DIP2C: variants seen among roughly 807,000 people sequenced by gnomAD.
DIP2C encodes the protein disco-interacting protein 2 homolog C.
A neutral mutation model predicts 192.4 loss-of-function variants in DIP2C; 33 were observed. The observed-to-expected ratio is 0.17, with a 90% CI of 0.13 to 0.23. The LOEUF (loss-of-function observed/expected upper bound fraction) is 0.23, where lower values mean the gene tolerates loss of function less well. Ranked by LOEUF, DIP2C falls within the 10% of genes least tolerant of loss-of-function variation. DIP2C has a pLI of 1.00. For missense variants in DIP2C, 1,537 were observed against 2,110.1 expected (o/e 0.73, Z 5.32); for synonymous variants, 979 against 864.1 (o/e 1.13, Z -2.33).
intron 1 of DIP2C, among the ~76,000 whole-genome samples, chr10:555,282 G>C (rs1266880550): frequency 6.6e-6 from 1 of 150,900 alleles, no homozygotes; most frequent in East Asian, 1.9e-4. Context: ...CTGTTTTATT[G>C]TTTTTCAGTT....
At chr10:638,052 GC>G (rs1005437225) in intron 1 of DIP2C, among the ~76,000 whole-genome samples, 6 of 152,292 alleles carry the variant, frequency 3.9e-5, no homozygotes, top group East Asian at 3.9e-4. Flanking sequence ...CTCTTCTGAA[GC>G]CCCCGAGACA....
chr10:327,371 A>T (rs985950911), intron 30 of DIP2C, among the ~76,000 whole-genome samples, 195 bp from the exon 31 acceptor site: 7 of 152,222 alleles, frequency 4.6e-5, no homozygotes, highest in African/African-American at 1.7e-4. Context: ...AACTATTCAA[A>T]TGATTAAGAA....
chr10:432,825 A>T (rs765084501), intron 4 of DIP2C, among the ~76,000 whole-genome samples: 16 of 152,130 alleles, frequency 1.1e-4, no homozygotes, highest in Non-Finnish European at 2.2e-4. Context: ...GCATCTCACA[A>T]ATTTTAAAAA....
rs894774090 is a variant in DIP2C, at chr10:617,800, T to C, written c.85+71694A>G. Among the ~76,000 whole-genome samples, 6 of 152,072 alleles carry C rather than the reference T, an allele frequency of 3.9e-5. No homozygotes were observed. The East Asian group carries it at 1.2e-3, about 30-fold the overall frequency. On this transcript the variant is annotated intron_variant, in intron 1 of 36. Coordinates refer to ENST00000280886, the MANE Select transcript of DIP2C (RefSeq NM_014974.3). ...GCAACCAGCAAACCCAGCTCCACCA[T>C]CCAGGCTCTGGTGGGTAACCGCCCC...
chr10:688,249 C>T (rs1192489122), intron 1 of DIP2C, among the ~76,000 whole-genome samples: 27 of 152,166 alleles, frequency 1.8e-4, no homozygotes, highest in Admixed American at 1.8e-3. Flanking sequence ...CTCTGCCCCC[C>T]GCCAACTGTG....
intron 1 of DIP2C, among the ~76,000 whole-genome samples, chr10:497,437 G>A (rs760167399): frequency 5.3e-5 from 8 of 152,118 alleles, no homozygotes; most frequent in Admixed American, 2.0e-4. Context: ...CTGCTGTGTC[G>A]GCTGCTTCTC....
rs559862427 is a variant in DIP2C at position 670,589 on chromosome 10, G to C, written c.85+18905C>G. ...AACGTGACCATTCCTGCCAACATCG[G>C]CCTGGATTAAGATGATTTCATTTAC... On this transcript the variant is annotated intron_variant, in intron 1 of 36. Coordinates refer to ENST00000280886, the MANE Select transcript of DIP2C (RefSeq NM_014974.3). 2.6e-5 allele frequency among the ~76,000 whole-genome samples: 4 copies of C among 152,220 alleles called. No homozygotes were observed. In the East Asian group the frequency reaches 7.7e-4, roughly 29 times the overall value.
chr10:596,078 A>AAC (rs1851681946), intron 1 of DIP2C, among the ~76,000 whole-genome samples: 2 of 152,202 alleles, frequency 1.3e-5, no homozygotes, highest in Admixed American at 6.5e-5. Context: ...TCAAACGGAT[A>AAC]ACTCCTTCCC....
chr10:619,335 T>C (rs1275778112), intron 1 of DIP2C, among the ~76,000 whole-genome samples: 2 of 152,230 alleles, frequency 1.3e-5, no homozygotes, highest in Non-Finnish European at 2.9e-5. Flanking sequence ...TCCCACCAGC[T>C]AACGTCGAGA....
chr10:498,961 T>C (rs1479112892), intron 1 of DIP2C, among the ~76,000 whole-genome samples: 3 of 152,258 alleles, frequency 2.0e-5, no homozygotes, highest in Admixed American at 6.5e-5. Flanking sequence ...AACGCTGCTC[T>C]GCACCGCACA....
chr10:563,489 A>G (rs967579204), intron 1 of DIP2C, among the ~76,000 whole-genome samples: 7 of 152,236 alleles, frequency 4.6e-5, no homozygotes, highest in Non-Finnish European at 8.8e-5. Context: ...ATGGCATAGT[A>G]GCTAGGCATA....
Position 413,907 on chromosome 10 carries a change from G to C in DIP2C, c.1057+6C>G. The C allele has an allele frequency of 6.2e-7, 1 of 1,613,142 alleles. No homozygotes were observed. Among genetic ancestry groups the C allele is most frequent in the Non-Finnish European group, 8.5e-7 (1 of 1,179,400 alleles). ...GCAAAGGGCAGAGAGTGAGCCTGGG[G>C]ATTACCGTAAGTGAGGATGTAGAGG... On this transcript the variant is annotated splice_donor_region_variant and intron_variant, in intron 8 of 36. Transcript: ENST00000280886.
chr10:418,465 G>C (rs1965954719), intron 6 of DIP2C, among the ~76,000 whole-genome samples: 1 of 152,188 alleles, frequency 6.6e-6, no homozygotes, highest in Non-Finnish European at 1.5e-5. Context: ...TGACTTTTAT[G>C]ACCTCGGGAA....
chr10:415,691 G>A lies in DIP2C; in HGVS notation c.859+78C>T. The A allele has an allele frequency of 1.9e-6, 3 of 1,566,776 alleles. No individual in the cohort carries two copies. The South Asian group carries it at 3.5e-5, about 18-fold the overall frequency. On this transcript the variant is annotated intron_variant, in intron 7 of 36. Coordinates refer to ENST00000280886, the MANE Select transcript of DIP2C (RefSeq NM_014974.3). Reference sequence around the variant, plus strand: ...ATTACTGCTCTTAAAAAGTAAAATAGCCTTGCAGAAAAAAATATCATTGTT... The same window carrying A: ...ATTACTGCTCTTAAAAAGTAAAATAACCTTGCAGAAAAAAATATCATTGTT...
intron 1 of DIP2C, among the ~76,000 whole-genome samples, chr10:637,871 G>A (rs563765320): frequency 1.3e-5 from 2 of 152,248 alleles, no homozygotes; most frequent in South Asian, 4.1e-4. Context: ...CTAAATCACC[G>A]TCCTCTCCTC....
At chr10:495,684 G>C (rs1844777651) in intron 1 of DIP2C, among the ~76,000 whole-genome samples, 1 of 152,066 alleles carries the variant, frequency 6.6e-6, no homozygotes, top group Non-Finnish European at 1.5e-5. Context: ...ATAGAAAATG[G>C]CTCAGCATTT....
intron 5 of DIP2C, among the ~76,000 whole-genome samples, chr10:420,936 C>G (rs1478928216): frequency 1.3e-5 from 2 of 152,158 alleles, no homozygotes; most frequent in African/African-American, 2.4e-5. Flanking sequence ...AGGACACTCA[C>G]GCGCACGCAG....
At chr10:543,854 C>T (rs1366237820) in intron 1 of DIP2C, among the ~76,000 whole-genome samples, 1 of 152,170 alleles carries the variant, frequency 6.6e-6, no homozygotes, top group Non-Finnish European at 1.5e-5. Flanking sequence ...GTATTTAATT[C>T]TGGGACTTTT....
intron 32 of DIP2C, among the ~76,000 whole-genome samples, chr10:302,623 A>G (rs945052009): frequency 6.6e-6 from 1 of 152,226 alleles, no homozygotes; most frequent in African/African-American, 2.4e-5. Context: ...GAGTGGACCT[A>G]CACACACTGG....
Sources: gnomAD v4.1 joint callset for allele counts (sites outside exome capture counted in the v4.1 genomes callset) on GRCh38, gnomAD v4.1.1 for gene constraint, MANE v1.5 for transcripts, NCBI Gene and HGNC (gene_info 2026-07-23, HGNC 2026-07-21) for gene names.